Variants in OSBPL3 observed in about 807,000 individuals in gnomAD.
OSBPL3 encodes the protein oxysterol binding protein like 3.
OSBPL3 carries 65 observed loss-of-function variants against 120.1 expected under a neutral mutation model. The ratio of observed to expected loss-of-function variants is 0.54; its 90% CI spans 0.44 to 0.67. The LOEUF (loss-of-function observed/expected upper bound fraction) is 0.67, where lower values mean the gene tolerates loss of function less well. Among genes scored for constraint, OSBPL3 ranks in the 30% least tolerant of loss-of-function variants. The pLI is 0.00. For missense variants in OSBPL3, 1,004 were observed against 1,082.1 expected, an observed-to-expected ratio of 0.93 and a Z score of 1.01; for synonymous variants, 416 against 402.6, an observed-to-expected ratio of 1.03 and a Z score of -0.40.
At chr7:24,853,207 G>A (rs1799389852) in intron 10 of OSBPL3, among the ~76,000 whole-genome samples, 1 of 152,190 alleles carries the variant, frequency 6.6e-6, no homozygotes, top group African/African-American at 2.4e-5. Context: ...TTTTCCAGGG[G>A]AAAATGTTAA....
intron 1 of OSBPL3, among the ~76,000 whole-genome samples, chr7:24,905,336 G>C (rs1807738292): frequency 2.0e-5 from 3 of 151,992 alleles, no homozygotes; most frequent in African/African-American, 7.2e-5. Context: ...CTGCTAAATG[G>C]GTTCTGGATA....
In OSBPL3 at chr7:24,899,854, G is replaced by C. The variant is rs1186115112; in HGVS notation, c.-149-7233C>G. Among the ~76,000 whole-genome samples, 1 of 152,198 alleles carries C rather than the reference G, an allele frequency of 6.6e-6. No homozygotes were observed. Among genetic ancestry groups the C allele is most frequent in the East Asian group, 1.9e-4 (1 of 5,208 alleles). ...GATTTTGCTCCACTTTAGATGAGTTGAATCAGAATTTCTATCTAGAGACGG... is the reference window on the plus strand; with the variant it reads ...GATTTTGCTCCACTTTAGATGAGTTCAATCAGAATTTCTATCTAGAGACGG... On this transcript the variant is annotated intron_variant, in intron 1 of 22. Transcript: ENST00000313367. This position sits in a 1 kb window ranked among gnomAD's most constrained non-coding sequence, Gnocchi z 4.0.
In OSBPL3 at chr7:24,854,535, C is replaced by T. The variant is rs1013790146; in HGVS notation, c.1028-1901G>A. On this transcript the variant is annotated intron_variant, in intron 10 of 22. Transcript: ENST00000313367. The surrounding 1 kb of genome is among the most constrained non-coding windows in gnomAD (Gnocchi z 4.1). ...ACACACACACACACACACACACACA[C>T]ACAAACACACACAATGGTGCTGCCT... is the stretch of plus-strand genomic sequence containing the variant. 6.9e-6 allele frequency among the ~76,000 whole-genome samples: 1 copy of T among 145,566 alleles called. No homozygotes were observed. The highest frequency in any genetic ancestry group is 1.5e-5 in the Non-Finnish European group (1 of 65,936).
chr7:24,897,668 C>T (rs77779973), intron 1 of OSBPL3, among the ~76,000 whole-genome samples: 4,916 of 152,256 alleles, frequency 0.032, 164 homozygotes, highest in African/African-American at 0.066. Flanking sequence ...AACATATTAA[C>T]ATCTCCCAAA....
chr7:24,848,950 A>G (rs1224981950), intron 12 of OSBPL3, 119 bp downstream of exon 12: 15 of 677,774 alleles, frequency 2.2e-5, no homozygotes, highest in Non-Finnish European at 3.9e-5. Context: ...CCAGAGGAGG[A>G]GGGCAGAGAG....
Position 24,946,908 on chromosome 7 carries a change from C to T in OSBPL3, c.-150+32978G>A, listed in dbSNP as rs141440458. The stretch of plus-strand genomic sequence containing the variant: ...GAACTGTCTTAACTCTTTTTCTTTC[C>T]CACAACACTCATCAGGAATCCAATA... On this transcript the variant is annotated intron_variant, in intron 1 of 22. Transcript: ENST00000313367. The surrounding 1 kb of genome is among the most constrained non-coding windows in gnomAD (Gnocchi z 4.3). Among the ~76,000 whole-genome samples the T allele has an allele frequency of 4.5e-4, 68 of 152,266 alleles. No individual in the cohort carries two copies. The highest frequency in any genetic ancestry group is 3.9e-4 in the Admixed American group (6 of 15,300).
At chr7:24,828,606 G>GAAAAAAGAAAAAAAAAAAAAAA (rs1491571662) in intron 16 of OSBPL3, among the ~76,000 whole-genome samples, 1 of 32,522 alleles carries the variant, frequency 3.1e-5, no homozygotes, top group Admixed American at 4.5e-4. Context: ...GACTCTGTCT[G>GAAAAAAGAAAAAAAAAAAAAAA]AAAAAAAAAA....
Position 24,965,271 on chromosome 7 carries a change from A to T in OSBPL3, c.-150+14615T>A, listed in dbSNP as rs1480267732. On this transcript the variant is annotated intron_variant, in intron 1 of 22. Transcript: ENST00000313367. The surrounding 1 kb of genome is among the most constrained non-coding windows in gnomAD (Gnocchi z 4.3). ...TAGAAGGAGCAATAAATCTACAGTAAGAAAATCTAGATATAAGTATGAGCT... is the reference window on the plus strand; with the variant it reads ...TAGAAGGAGCAATAAATCTACAGTATGAAAATCTAGATATAAGTATGAGCT... Among the ~76,000 whole-genome samples, 3 of 152,234 alleles carry T rather than the reference A, an allele frequency of 2.0e-5. No homozygotes were observed. The highest frequency in any genetic ancestry group is 4.8e-5 in the African/African-American group (2 of 41,450).
At chr7:24,865,313 C>G (rs781573031) in intron 7 of OSBPL3, 29 bp downstream of exon 7, 5 of 1,611,000 alleles carry the variant, frequency 3.1e-6, no homozygotes, top group Non-Finnish European at 2.5e-6. Context: ...ATAGCCACAA[C>G]AGAAAGCAGA....
intron 1 of OSBPL3, among the ~76,000 whole-genome samples, chr7:24,919,546 A>G (rs555266951): frequency 3.3e-5 from 5 of 152,246 alleles, no homozygotes; most frequent in Non-Finnish European, 7.4e-5. Context: ...TAAGAGCTAA[A>G]TCTATAAAAC....
chr7:24,900,247 G>A lies in OSBPL3; in HGVS notation c.-149-7626C>T, dbSNP rs1806794640. The stretch of plus-strand genomic sequence containing the variant: ...GCACAAGTCCAAAACCACTGCCACA[G>A]GTTAATATTACAACCATGGCATAGA... On this transcript the variant is annotated intron_variant, in intron 1 of 22. Transcript: ENST00000313367. This position sits in a 1 kb window ranked among gnomAD's most constrained non-coding sequence, Gnocchi z 4.5. Among the ~76,000 whole-genome samples, 1 of 152,162 alleles carries A rather than the reference G, an allele frequency of 6.6e-6. No homozygotes were observed. Among genetic ancestry groups the A allele is most frequent in the African/African-American group, 2.4e-5 (1 of 41,422 alleles).
rs1200718664 is a variant in OSBPL3 at position 24,947,415 on chromosome 7, C to G, written c.-150+32471G>C. On this transcript the variant is annotated intron_variant, in intron 1 of 22. Transcript: ENST00000313367. This position sits in a 1 kb window ranked among gnomAD's most constrained non-coding sequence, Gnocchi z 4.4. ...CAGCATGTGTGCAGCCTGGCTTTAC[C>G]CAGGCACCAGAAGCCTCCAGAGCAT... Among the ~76,000 whole-genome samples the G allele has an allele frequency of 6.6e-6, 1 of 152,266 alleles. No individual in the cohort carries two copies. The highest frequency in any genetic ancestry group is 2.4e-5 in the African/African-American group (1 of 41,544).
rs146644128 is a variant in OSBPL3, at chr7:24,890,521, G to C, written c.96+1856C>G. Reference sequence around the variant, plus strand: ...TGGACCCCGTGGATGGAAACACTAAGCATACCCTGGGACAGAACACCTTTC... The same window carrying C: ...TGGACCCCGTGGATGGAAACACTAACCATACCCTGGGACAGAACACCTTTC... On this transcript the variant is annotated intron_variant, in intron 2 of 22. Transcript: ENST00000313367. 5.4e-3 allele frequency among the ~76,000 whole-genome samples: 823 copies of C among 152,318 alleles called. 13 individuals carry two copies. The highest frequency in any genetic ancestry group is 0.019 in the African/African-American group (781 of 41,568).
rs920777029 is a variant in OSBPL3 at position 24,834,261 on chromosome 7, C to G, written c.1746+225G>C. ...CCACAGAACAGAACTACCCCAGGCACCAAGTGCCACGGAGAAGCACCCCAA... is the reference window on the plus strand; with the variant it reads ...CCACAGAACAGAACTACCCCAGGCAGCAAGTGCCACGGAGAAGCACCCCAA... On this transcript the variant is annotated intron_variant, in intron 15 of 22. Transcript: ENST00000313367. This position sits in a 1 kb window ranked among gnomAD's most constrained non-coding sequence, Gnocchi z 5.2. 7.4e-7 allele frequency: 1 copy of G among 1,352,028 alleles called. No individual in the cohort carries two copies. The highest frequency in any genetic ancestry group is 9.6e-7 in the Non-Finnish European group (1 of 1,043,782). 83.8% of individuals were successfully genotyped at this position (1,352,028 alleles called of 1,614,324 possible).
At position 24,953,667 on chromosome 7, in the gene OSBPL3, A is replaced by C. The variant is rs531418566; in HGVS notation, c.-150+26219T>G. The stretch of plus-strand genomic sequence containing the variant: ...AAACAGAAGCTGCAGATTTGTATCC[A>C]CTACCTATTTCAGATCCTGGTACAG... On this transcript the variant is annotated intron_variant, in intron 1 of 22. Transcript: ENST00000313367. The surrounding 1 kb of genome is among the most constrained non-coding windows in gnomAD (Gnocchi z 4.3). 2.0e-5 allele frequency among the ~76,000 whole-genome samples: 3 copies of C among 152,346 alleles called. No homozygotes were observed. Among genetic ancestry groups the C allele is most frequent in the African/African-American group, 7.2e-5 (3 of 41,576 alleles).
intron 1 of OSBPL3, among the ~76,000 whole-genome samples, chr7:24,911,106 T>C (rs1326378996): frequency 1.3e-5 from 2 of 152,248 alleles, no homozygotes; most frequent in African/African-American, 2.4e-5. Flanking sequence ...TTCTTTAATT[T>C]TGGTATTTAA....
intron 1 of OSBPL3, among the ~76,000 whole-genome samples, chr7:24,926,354 T>C (rs892822003): frequency 3.3e-5 from 5 of 152,206 alleles, no homozygotes; most frequent in African/African-American, 1.2e-4. Context: ...GAAAAACAGA[T>C]GCTCAGGACA....
rs1391122652 is a variant in OSBPL3 at position 24,873,883 on chromosome 7, A to G, written c.97-1814T>C. Among the ~76,000 whole-genome samples the G allele has an allele frequency of 6.6e-6, 1 of 152,216 alleles. No individual in the cohort carries two copies. The highest frequency in any genetic ancestry group is 2.4e-5 in the African/African-American group (1 of 41,454). The stretch of plus-strand genomic sequence containing the variant: ...CCTCAAATTTCACCTCCTCCAGTGG[A>G]AAATACCATTTCATCCTTAGAGACT... On this transcript the variant is annotated intron_variant, in intron 2 of 22. Transcript: ENST00000313367. This position sits in a 1 kb window ranked among gnomAD's most constrained non-coding sequence, Gnocchi z 4.1.
chr7:24,941,798 GAACA>G (rs1436191801), intron 1 of OSBPL3, among the ~76,000 whole-genome samples: 1 of 152,182 alleles, frequency 6.6e-6, no homozygotes, highest in Non-Finnish European at 1.5e-5. Context: ...CAAAACTTGT[GAACA>G]AATGATGTAT....
Sources: allele counts gnomAD v4.1 joint callset (sites outside exome capture counted in the v4.1 genomes callset), GRCh38; gene constraint gnomAD v4.1.1; non-coding constraint Gnocchi (gnomAD v3.1); transcripts MANE v1.5; gene names NCBI Gene and HGNC (gene_info 2026-07-23, HGNC 2026-07-21).